The following SH3KBP1 variants were observed in gnomAD, a reference collection of about 807,000 sequenced individuals.
The protein encoded by SH3KBP1 is SH3 domain-containing kinase-binding protein 1.
SH3KBP1 carries 8 observed loss-of-function variants against 50.1 expected under a neutral mutation model. That is an observed-to-expected ratio of 0.16 (90% CI 0.09 to 0.29). The LOEUF is 0.29. Ranked by LOEUF, SH3KBP1 falls within the 10% of genes least tolerant of loss-of-function variation. The pLI is 1.00. For missense variants in SH3KBP1, 377 were observed against 535.2 expected (o/e 0.70, Z 2.92); for synonymous variants, 227 against 218.6 (o/e 1.04, Z -0.34).
intron 2 of SH3KBP1, among the ~76,000 whole-genome samples, chrX:19,773,895 A>C (rs1603229629): frequency 1.1e-5 from 1 of 93,025 alleles, no homozygotes; most frequent in Non-Finnish European, 2.1e-5. Context: ...AAGAATCATC[A>C]TTTTTCTGGA....
At chrX:19,828,016 C>T (rs1159525872) in intron 2 of SH3KBP1, among the ~76,000 whole-genome samples, 1 of 109,980 alleles carries the variant, frequency 9.1e-6, no homozygotes, top group African/African-American at 3.3e-5. Flanking sequence ...TCCCCCCCAT[C>T]CCCCGCCAGG....
intron 16 of SH3KBP1, among the ~76,000 whole-genome samples, chrX:19,538,911 T>C (rs903577799): frequency 4.5e-5 from 5 of 112,249 alleles, no homozygotes; most frequent in African/African-American, 1.3e-4. Context: ...TCAATAGGGT[T>C]TTTAATTGCT....
Position 19,728,517 on chromosome X carries a change from A to G in SH3KBP1, c.286+17801T>C, listed in dbSNP as rs777645949. Among the ~76,000 whole-genome samples the G allele has an allele frequency of 1.2e-4, 13 of 111,985 alleles. No homozygotes were observed. The South Asian group carries it at 2.6e-3, about 22-fold the overall frequency. ...ACAGAAACATTATTTTAACTTCATTACTCAACAAAATCACCATGGGGCATT... is the reference window on the plus strand; with the variant it reads ...ACAGAAACATTATTTTAACTTCATTGCTCAACAAAATCACCATGGGGCATT... On this transcript the variant is annotated intron_variant, in intron 3 of 17. Transcript: ENST00000397821.
chrX:19,567,518 C>CAAAAAA (rs869158450), intron 13 of SH3KBP1, among the ~76,000 whole-genome samples: 2 of 7,272 alleles, frequency 2.8e-4, no homozygotes, highest in Non-Finnish European at 2.2e-4. Flanking sequence ...GACTCCATCT[C>CAAAAAA]AAAAAAAAAA....
At chrX:19,848,690 TGA>T (rs1004816076) in intron 1 of SH3KBP1, among the ~76,000 whole-genome samples, 2 of 112,100 alleles carry the variant, frequency 1.8e-5, no homozygotes, top group African/African-American at 6.5e-5. Flanking sequence ...GAAGAAGGAA[TGA>T]GAGAATTGGA....
chrX:19,737,698 C>T (rs183614203), intron 3 of SH3KBP1, among the ~76,000 whole-genome samples: 213 of 111,689 alleles, frequency 1.9e-3, no homozygotes, highest in Non-Finnish European at 2.5e-3. Context: ...ACCTGAACAC[C>T]CTGGCCTCAC....
intron 6 of SH3KBP1, among the ~76,000 whole-genome samples, chrX:19,666,239 A>G (rs1421873684): frequency 8.9e-6 from 1 of 111,810 alleles, no homozygotes; most frequent in Non-Finnish European, 1.9e-5. Context: ...TAAGATGAAT[A>G]AGATACCATC....
chrX:19,847,166 G>A (rs1265742221), intron 1 of SH3KBP1, among the ~76,000 whole-genome samples: 1 of 111,460 alleles, frequency 9.0e-6, no homozygotes, highest in Non-Finnish European at 1.9e-5. Context: ...GTGAGGTAAC[G>A]TGAGAGGAAA....
intron 8 of SH3KBP1, among the ~76,000 whole-genome samples, chrX:19,627,629 A>G (rs762378129): frequency 2.7e-5 from 3 of 112,564 alleles, no homozygotes; most frequent in Admixed American, 9.4e-5. Flanking sequence ...AGGGACATAC[A>G]GAAATAGTTT....
intron 6 of SH3KBP1, among the ~76,000 whole-genome samples, chrX:19,667,506 G>A (rs2062628192): frequency 9.0e-6 from 1 of 110,980 alleles, no homozygotes; most frequent in Admixed American, 9.6e-5. Flanking sequence ...GCTCATGTCT[G>A]CACTCCCAGC....
chrX:19,583,601 T>C (rs1382461213), intron 12 of SH3KBP1, among the ~76,000 whole-genome samples: 3 of 110,562 alleles, frequency 2.7e-5, no homozygotes, highest in Non-Finnish European at 5.7e-5. Context: ...AAGGGAGCGA[T>C]CACTGTAAGA....
chrX:19,606,300 G>T (rs1347845806), intron 9 of SH3KBP1, among the ~76,000 whole-genome samples: 1 of 112,169 alleles, frequency 8.9e-6, no homozygotes, highest in Non-Finnish European at 1.9e-5. Flanking sequence ...ACAGAACCAG[G>T]ATTCAAACCC....
intron 3 of SH3KBP1, among the ~76,000 whole-genome samples, chrX:19,745,231 A>G (rs759867665): frequency 8.9e-6 from 1 of 112,755 alleles, no homozygotes; most frequent in Non-Finnish European, 1.9e-5. Flanking sequence ...ATTTAACAAA[A>G]CGAGAAAAGA....
At chrX:19,573,927 G>A (rs1415505819) in intron 12 of SH3KBP1, among the ~76,000 whole-genome samples, 1 of 111,283 alleles carries the variant, frequency 9.0e-6, no homozygotes, top group East Asian at 2.8e-4. Flanking sequence ...ATGACTGGTG[G>A]GCTAGCTTCA....
intron 2 of SH3KBP1, among the ~76,000 whole-genome samples, chrX:19,819,292 A>G (rs1300046811): frequency 9.0e-6 from 1 of 111,303 alleles, no homozygotes; most frequent in Non-Finnish European, 1.9e-5. Flanking sequence ...TGTCTTTTTC[A>G]TCTTTGCCTG....
intron 1 of SH3KBP1, among the ~76,000 whole-genome samples, chrX:19,871,200 C>T (rs1192876010): frequency 8.9e-6 from 1 of 112,098 alleles, no homozygotes; most frequent in Admixed American, 9.4e-5. Flanking sequence ...TTTTGTTGGG[C>T]GATTCATAAA....
intron 9 of SH3KBP1, among the ~76,000 whole-genome samples, chrX:19,606,575 T>C (rs368317558): frequency 1.3e-4 from 15 of 112,283 alleles, no homozygotes; most frequent in Admixed American, 1.3e-3. Flanking sequence ...TGAATTTATT[T>C]CCCTCCTAAA....
At chrX:19,833,937 T>C (rs2067989102) in intron 2 of SH3KBP1, among the ~76,000 whole-genome samples, 1 of 111,760 alleles carries the variant, frequency 8.9e-6, no homozygotes, top group South Asian at 3.7e-4. Flanking sequence ...GTGGCCCAGA[T>C]GCAGCACTTT....
At chrX:19,818,967 G>A (rs998903029) in intron 2 of SH3KBP1, among the ~76,000 whole-genome samples, 1 of 111,641 alleles carries the variant, frequency 9.0e-6, no homozygotes, top group African/African-American at 3.3e-5. Context: ...CTATTTTCTC[G>A]AAAAGATTAT....
Sources: allele counts gnomAD v4.1 joint callset (sites outside exome capture counted in the v4.1 genomes callset), GRCh38; gene constraint gnomAD v4.1.1; transcripts MANE v1.5; gene names NCBI Gene and HGNC (gene_info 2026-07-23, HGNC 2026-07-21).